CNBD1: variants seen among roughly 807,000 people sequenced by gnomAD.
The protein encoded by CNBD1 is cyclic nucleotide binding domain containing 1.
In CNBD1, 71 loss-of-function variants were observed where a neutral mutation model predicts 54.4. The ratio of observed to expected loss-of-function variants is 1.30; its 90% CI spans 1.08 to 1.59. The LOEUF (loss-of-function observed/expected upper bound fraction) is 1.59. Among genes scored for constraint, CNBD1 ranks in the 40% most tolerant of loss-of-function variants. The pLI, the probability that CNBD1 is intolerant of heterozygous loss-of-function variation, is 0.00. For missense variants in CNBD1, 659 were observed against 518.0 expected (o/e 1.27, Z -2.64); for synonymous variants, 182 against 170.7 (o/e 1.07, Z -0.51).
At chr8:87,176,104 G>T (rs1212696289) in intron 4 of CNBD1, among the ~76,000 whole-genome samples, 1 of 152,198 alleles carries the variant, frequency 6.6e-6, no homozygotes, top group Non-Finnish European at 1.5e-5. Context: ...GATGGGAGGG[G>T]TTGGCATTGA....
Position 87,171,180 on chromosome 8 carries a change from A to T in CNBD1, c.432-34813A>T, listed in dbSNP as rs1382890383. Among the ~76,000 whole-genome samples the T allele has an allele frequency of 2.6e-5, 4 of 152,276 alleles. No homozygotes were observed. In the East Asian group the frequency reaches 7.7e-4, roughly 29 times the overall value. ...GCTTTTCTTTGCTGGGAGACATTTTAATATGGCTTTGATTTCATTACTTTT... is the reference window on the plus strand; with the variant it reads ...GCTTTTCTTTGCTGGGAGACATTTTTATATGGCTTTGATTTCATTACTTTT... On this transcript the variant is annotated intron_variant, in intron 4 of 10. Coordinates refer to ENST00000518476, the MANE Select transcript of CNBD1 (RefSeq NM_173538.3).
intron 10 of CNBD1, among the ~76,000 whole-genome samples, chr8:87,365,665 C>T (rs1350111004): frequency 6.6e-6 from 1 of 152,004 alleles, no homozygotes; most frequent in Non-Finnish European, 1.5e-5. Flanking sequence ...ACAATAATCT[C>T]ACACAATTTT....
intron 2 of CNBD1, among the ~76,000 whole-genome samples, chr8:87,425,187 C>G (rs1283532788): frequency 6.6e-6 from 1 of 152,166 alleles, no homozygotes; most frequent in Non-Finnish European, 1.5e-5. Flanking sequence ...CCTTTAAACA[C>G]TTCTCTGTAT....
At chr8:87,403,358 C>T (rs770502329) in intron 2 of CNBD1, among the ~76,000 whole-genome samples, 2 of 152,014 alleles carry the variant, frequency 1.3e-5, no homozygotes, top group Middle Eastern at 6.8e-3. Flanking sequence ...TGGCACTTGT[C>T]GTAGATAGAC....
At chr8:87,088,606 G>GTAGCTA (rs1811147419) in intron 4 of CNBD1, among the ~76,000 whole-genome samples, 1 of 151,978 alleles carries the variant, frequency 6.6e-6, no homozygotes, top group Admixed American at 6.6e-5. Context: ...TATAGTAATA[G>GTAGCTA]TAGCTATATT....
chr8:86,995,689 GGTGTGTGT>G (rs5893006), intron 4 of CNBD1, among the ~76,000 whole-genome samples: 3 of 149,450 alleles, frequency 2.0e-5, no homozygotes, highest in Admixed American at 6.7e-5. Flanking sequence ...GTGTATGGGT[GGTGTGTGT>G]GTGTGTGTGT....
At chr8:87,345,374 A>C (rs1403695213) in intron 8 of CNBD1, among the ~76,000 whole-genome samples, 1 of 152,104 alleles carries the variant, frequency 6.6e-6, no homozygotes, top group African/African-American at 2.4e-5. Flanking sequence ...TTAGCATCTA[A>C]TCAGTCATTT....
At chr8:87,306,059 GA>G (rs950501061) in intron 8 of CNBD1, among the ~76,000 whole-genome samples, 1 of 151,588 alleles carries the variant, frequency 6.6e-6, no homozygotes, top group African/African-American at 2.4e-5. Flanking sequence ...ACAACAGTAA[GA>G]AAAAAAACCA....
At chr8:87,382,389 A>G (rs1811096018) in intron 10 of CNBD1, among the ~76,000 whole-genome samples, 1 of 152,010 alleles carries the variant, frequency 6.6e-6, no homozygotes, top group Non-Finnish European at 1.5e-5. Flanking sequence ...ATCACTCCAT[A>G]TAATTATAGA....
intron 4 of CNBD1, among the ~76,000 whole-genome samples, chr8:87,019,149 C>T (rs755757475): frequency 1.3e-5 from 2 of 152,102 alleles, no homozygotes; most frequent in Non-Finnish European, 2.9e-5. Context: ...GTAACAAAAA[C>T]CAAGCTCACA....
intron 10 of CNBD1, among the ~76,000 whole-genome samples, chr8:87,369,620 T>G (rs534624819): frequency 6.6e-6 from 1 of 152,048 alleles, no homozygotes; most frequent in Admixed American, 6.6e-5. Flanking sequence ...ACTTTGAGCA[T>G]GTTATTCCTC....
intron 6 of CNBD1, among the ~76,000 whole-genome samples, chr8:87,263,987 A>G (rs550297911): frequency 6.6e-6 from 1 of 152,200 alleles, no homozygotes; most frequent in Non-Finnish European, 1.5e-5. Context: ...TGAGTATTAA[A>G]AAGTATTTTA....
At chr8:87,214,438 C>G (rs938164361) in intron 5 of CNBD1, among the ~76,000 whole-genome samples, 2 of 152,152 alleles carry the variant, frequency 1.3e-5, no homozygotes, top group Non-Finnish European at 2.9e-5. Flanking sequence ...GTCCATATCA[C>G]TCTCAGCATT....
intron 6 of CNBD1, among the ~76,000 whole-genome samples, chr8:87,239,299 C>A (rs1305548692): frequency 2.6e-5 from 4 of 152,056 alleles, no homozygotes; most frequent in Non-Finnish European, 5.9e-5. Context: ...TCCTTGCTAA[C>A]CCTGTCCCCT....
intron 6 of CNBD1, among the ~76,000 whole-genome samples, chr8:87,264,851 GT>G (rs555926621): frequency 2.0e-5 from 3 of 152,064 alleles, no homozygotes; most frequent in African/African-American, 7.2e-5. Context: ...GGGGTTGTTT[GT>G]TTTTTTCTTG....
At chr8:87,420,045 T>A (rs2130992010) in intron 2 of CNBD1, among the ~76,000 whole-genome samples, 1 of 151,522 alleles carries the variant, frequency 6.6e-6, no homozygotes, top group African/African-American at 2.4e-5. Flanking sequence ...TGACCAAGTT[T>A]GATTTATTAC....
intron 8 of CNBD1, among the ~76,000 whole-genome samples, chr8:87,334,094 C>A (rs1018337660): frequency 6.6e-6 from 1 of 152,018 alleles, no homozygotes; most frequent in Non-Finnish European, 1.5e-5. Context: ...TTAATTTCTT[C>A]CTGGTTTAGT....
At chr8:86,869,841 A>T (rs1015986193) in intron 1 of CNBD1, among the ~76,000 whole-genome samples, 2 of 152,152 alleles carry the variant, frequency 1.3e-5, no homozygotes, top group African/African-American at 4.8e-5. Context: ...AAGAAAAAAA[A>T]ATTCTTATTT....
In CNBD1 at chr8:87,136,777, A is replaced by G. The variant is rs1399752731; in HGVS notation, c.432-69216A>G. Among the ~76,000 whole-genome samples the G allele has an allele frequency of 1.5e-3, 21 of 14,388 alleles. 1 individual carries two copies. In the South Asian group the frequency reaches 0.045, roughly 31 times the overall value. The allele number at this position is 14,388 out of a possible 152,430, so 9.4% of individuals were successfully genotyped here. ...TATATATAAATTATATATTATATTTATATTATATATAAATTATATATTATA... is the reference window on the plus strand; with the variant it reads ...TATATATAAATTATATATTATATTTGTATTATATATAAATTATATATTATA... On this transcript the variant is annotated intron_variant, in intron 4 of 10. Coordinates refer to ENST00000518476, the MANE Select transcript of CNBD1 (RefSeq NM_173538.3).
Sources: allele counts gnomAD v4.1 joint callset (sites outside exome capture counted in the v4.1 genomes callset), GRCh38; gene constraint gnomAD v4.1.1; transcripts MANE v1.5; gene names NCBI Gene and HGNC (gene_info 2026-07-23, HGNC 2026-07-21).